Variants in MAGI1 observed in about 807,000 individuals in gnomAD.
The protein encoded by MAGI1 is membrane-associated guanylate kinase, WW and PDZ domain-containing protein 1.
In MAGI1, 58 loss-of-function variants were observed where a neutral mutation model predicts 139.9. The ratio of observed to expected loss-of-function variants is 0.41; its 90% confidence interval spans 0.34 to 0.52. MAGI1 has a LOEUF of 0.52. Among genes scored for constraint, MAGI1 ranks in the 20% least tolerant of loss-of-function variants. The pLI, the probability that MAGI1 is intolerant of heterozygous loss-of-function variation, is 0.12. For missense variants in MAGI1, 1,874 were observed against 1,901.6 expected (o/e 0.99, Z 0.27); for synonymous variants, 812 against 737.9 (o/e 1.10, Z -1.63).
In MAGI1 at chr3:65,834,794, G is replaced by A. The variant is rs150534151; in HGVS notation, c.313+203202C>T. On this transcript the variant is annotated intron_variant, in intron 1 of 22. Coordinates refer to ENST00000402939, the MANE Select transcript of MAGI1 (RefSeq NM_001033057.2). ...CATAGGCATTTAGAATTGCTATGTCGACATGGTGGAATGACCCTTTTATTT... is the reference window on the plus strand; with the variant it reads ...CATAGGCATTTAGAATTGCTATGTCAACATGGTGGAATGACCCTTTTATTT... Among the ~76,000 whole-genome samples, 33 of 152,300 alleles carry A rather than the reference G, an allele frequency of 2.2e-4. No individual in the cohort carries two copies. In the South Asian group the frequency reaches 2.5e-3, roughly 11 times the overall value.
chr3:65,524,721 T>C (rs1524972), intron 2 of MAGI1, among the ~76,000 whole-genome samples: 27,824 of 152,188 alleles, frequency 0.18, 2,740 homozygotes, highest in South Asian at 0.26. Flanking sequence ...ATAGGCTGAA[T>C]GATAGATCGC....
chr3:65,893,183 C>G (rs1217744765), intron 1 of MAGI1, among the ~76,000 whole-genome samples: 1 of 152,138 alleles, frequency 6.6e-6, no homozygotes, highest in East Asian at 1.9e-4. Flanking sequence ...TCCCATCCTT[C>G]ATCCCTTCTT....
At chr3:65,945,523 A>C (rs576110958) in intron 1 of MAGI1, among the ~76,000 whole-genome samples, 20 of 141,848 alleles carry the variant, frequency 1.4e-4, no homozygotes, top group African/African-American at 4.6e-4. Context: ...TAATAGGTAG[A>C]CAAGGGTGAA....
At position 65,354,524 on chromosome 3, in the gene MAGI1, A is replaced by T. The variant is rs968398489; in HGVS notation, c.*1854T>A. The T allele has an allele frequency of 2.0e-5, 3 of 152,690 alleles. No homozygotes were observed. The highest frequency in any genetic ancestry group is 7.2e-5 in the African/African-American group (3 of 41,472). 9.5% of individuals were successfully genotyped at this position (152,690 alleles called of 1,614,324 possible). On this transcript the variant is annotated 3_prime_UTR_variant, in exon 23 of 23. Transcript: ENST00000402939. ...GAGCATTAAGTCCATAGCACACTGC[A>T]AGAAATAAATGAGTGAAGAACAGAG...
At chr3:65,370,066 C>T (rs912771029) in intron 18 of MAGI1, among the ~76,000 whole-genome samples, 2 of 152,190 alleles carry the variant, frequency 1.3e-5, no homozygotes, top group Admixed American at 6.5e-5. Flanking sequence ...TCTTTGTCTT[C>T]TGGGGGTTTG....
chr3:65,512,817 T>A (rs1272133753), intron 2 of MAGI1, among the ~76,000 whole-genome samples: 1 of 151,302 alleles, frequency 6.6e-6, no homozygotes, highest in Non-Finnish European at 1.5e-5. Flanking sequence ...GAGGCCAGCA[T>A]CATTCTGATA....
At chr3:65,872,251 G>C (rs1014989925) in intron 1 of MAGI1, among the ~76,000 whole-genome samples, 1 of 152,186 alleles carries the variant, frequency 6.6e-6, no homozygotes, top group Non-Finnish European at 1.5e-5. Flanking sequence ...ATAGGTGCTT[G>C]TTAGAGTTGA....
intron 1 of MAGI1, among the ~76,000 whole-genome samples, chr3:66,023,119 A>C (rs551508415): frequency 1.3e-5 from 2 of 152,344 alleles, no homozygotes; most frequent in African/African-American, 4.8e-5. Context: ...ACAGTAGTCT[A>C]AACTTGAAAA....
chr3:65,704,810 CCTT>C (rs2089846487), intron 1 of MAGI1, among the ~76,000 whole-genome samples: 1 of 152,072 alleles, frequency 6.6e-6, no homozygotes, highest in Non-Finnish European at 1.5e-5. Flanking sequence ...AAATCTCTCT[CCTT>C]CTTTTCAGTT....
At chr3:65,518,406 C>G (rs574327475) in intron 2 of MAGI1, among the ~76,000 whole-genome samples, 1 of 152,272 alleles carries the variant, frequency 6.6e-6, no homozygotes, top group South Asian at 2.1e-4. Flanking sequence ...AGGCTAGGCA[C>G]GCAGTAATTG....
intron 1 of MAGI1, among the ~76,000 whole-genome samples, chr3:65,763,037 A>G (rs990315647): frequency 2.6e-5 from 4 of 152,196 alleles, no homozygotes; most frequent in Non-Finnish European, 5.9e-5. Flanking sequence ...TTTGGGGAAC[A>G]GCCATTCAAG....
intron 1 of MAGI1, among the ~76,000 whole-genome samples, chr3:65,629,198 A>G (rs1245918511): frequency 6.6e-6 from 1 of 152,194 alleles, no homozygotes; most frequent in Non-Finnish European, 1.5e-5. Flanking sequence ...GTTGCTCAGT[A>G]GAAAGAATCT....
chr3:65,783,829 A>T (rs539668141), intron 1 of MAGI1, among the ~76,000 whole-genome samples: 32 of 150,542 alleles, frequency 2.1e-4, no homozygotes, highest in Admixed American at 2.0e-3. Context: ...AATTAATTTT[A>T]AAAAAAGTGC....
intron 14 of MAGI1, chr3:65,387,176 C>T (rs868664030): frequency 1.7e-5 from 25 of 1,446,082 alleles, no homozygotes; most frequent in Middle Eastern, 1.8e-4. Context: ...GAATTGATTT[C>T]TCTCTCTCTC....
intron 2 of MAGI1, among the ~76,000 whole-genome samples, chr3:65,586,426 T>C (rs1490074011): frequency 6.6e-6 from 1 of 152,136 alleles, no homozygotes; most frequent in African/African-American, 2.4e-5. Flanking sequence ...AATGCTGATT[T>C]TTAGGGGTGA....
At chr3:65,385,826 G>A (rs540428274) in intron 14 of MAGI1, among the ~76,000 whole-genome samples, 10 of 152,276 alleles carry the variant, frequency 6.6e-5, no homozygotes, top group Middle Eastern at 3.4e-3. Flanking sequence ...TCTTGAGCAC[G>A]CTAAGGTAAC....
At position 65,410,211 on chromosome 3, in the gene MAGI1, C is replaced by T. The variant is rs560328435; in HGVS notation, c.2168-8741G>A. Among the ~76,000 whole-genome samples the T allele has an allele frequency of 4.6e-5, 7 of 152,312 alleles. No homozygotes were observed. The South Asian group carries it at 1.2e-3, about 27-fold the overall frequency. ...AATGATATGGATGATCCTATTGTTGCTACTCTTGAAAACATGTGAAGTATG... is the reference window on the plus strand; with the variant it reads ...AATGATATGGATGATCCTATTGTTGTTACTCTTGAAAACATGTGAAGTATG... On this transcript the variant is annotated intron_variant, in intron 12 of 22. Transcript: ENST00000402939.
chr3:65,419,229 C>CACACACACACACACACAT (rs1161672999), intron 12 of MAGI1, among the ~76,000 whole-genome samples: 40 of 144,828 alleles, frequency 2.8e-4, no homozygotes, highest in African/African-American at 8.6e-4. Flanking sequence ...CATACACACA[C>CACACACACACACACACAT]ACACACACAC....
chr3:65,765,432 AATGCCCTTTACAAACTT>A (rs1471307043), intron 1 of MAGI1, among the ~76,000 whole-genome samples: 1 of 152,198 alleles, frequency 6.6e-6, no homozygotes, highest in Non-Finnish European at 1.5e-5. Flanking sequence ...GAGTCTCATT[AATGCCCTTTACAAACTT>A]AGGAGAGGTG....
Sources: allele counts gnomAD v4.1 joint callset (sites outside exome capture counted in the v4.1 genomes callset), GRCh38; gene constraint gnomAD v4.1.1; transcripts MANE v1.5; gene names NCBI Gene and HGNC (gene_info 2026-07-23, HGNC 2026-07-21).